RGS17: variants seen among roughly 807,000 people sequenced by gnomAD.
RGS17 encodes the protein regulator of G protein signaling 17, also known as regulator of G-protein signaling 17.
Under a neutral mutation model 25.5 loss-of-function variants are expected in RGS17, and 12 were observed. The ratio of observed to expected loss-of-function variants is 0.47; its 90% confidence interval spans 0.30 to 0.76. The LOEUF is 0.76. Among genes scored for constraint, RGS17 ranks in the 30% least tolerant of loss-of-function variants. The probability of loss-of-function intolerance (pLI) is 0.07; values close to 1 mark genes in which losing one functional copy is unlikely to be tolerated. For missense variants in RGS17, 196 were observed against 242.2 expected, an observed-to-expected ratio of 0.81 and a Z score of 1.27; for synonymous variants, 71 against 76.9, an observed-to-expected ratio of 0.92 and a Z score of 0.40.
intron 1 of RGS17, among the ~76,000 whole-genome samples, chr6:153,065,748 C>T (rs1409713842): frequency 6.6e-6 from 1 of 151,900 alleles, no homozygotes; most frequent in Non-Finnish European, 1.5e-5. Flanking sequence ...TATAATAACA[C>T]AAAACACCAA....
intron 2 of RGS17, among the ~76,000 whole-genome samples, chr6:153,032,224 T>A (rs1351903150): frequency 6.6e-6 from 1 of 152,192 alleles, no homozygotes; most frequent in African/African-American, 2.4e-5. Flanking sequence ...TTCACCTCTT[T>A]CATTTCTACA....
chr6:153,090,922 G>T (rs1777122350), intron 1 of RGS17, among the ~76,000 whole-genome samples: 2 of 151,916 alleles, frequency 1.3e-5, no homozygotes, highest in African/African-American at 4.8e-5. Flanking sequence ...GAGGATAAAG[G>T]GACTACTGTA....
Position 153,043,883 on chromosome 6 carries a change from C to T in RGS17, c.119+17G>A, listed in dbSNP as rs768274903. On this transcript the variant is annotated intron_variant, in intron 2 of 4. Coordinates refer to ENST00000206262, the MANE Select transcript of RGS17 (RefSeq NM_012419.5). ...TGCCAAGCCTGGGTGTGGCATCCTA[C>T]AGGTAACATGACATACCAGGAGCAG... 6.5e-7 allele frequency: 1 copy of T among 1,541,624 alleles called. No individual in the cohort carries two copies. The highest frequency in any genetic ancestry group is 1.8e-5 in the Admixed American group (1 of 56,792).
rs966176201 is a variant in RGS17 at position 153,009,798 on chromosome 6, G to A, written c.*1776C>T. On this transcript the variant is annotated 3_prime_UTR_variant, in exon 5 of 5. Transcript: ENST00000206262. ...TGCAATTTTTAAAAAATCCCATTTT[G>A]TCAAACACTGCAACAGTTAAAATAT... 1.3e-5 allele frequency: 2 copies of A among 151,818 alleles called. No individual in the cohort carries two copies. Among genetic ancestry groups the A allele is most frequent in the East Asian group, 3.8e-4 (2 of 5,198 alleles). 9.4% of individuals were successfully genotyped at this position (151,818 alleles called of 1,614,324 possible).
chr6:153,027,277 A>G (rs1244678555), intron 2 of RGS17, among the ~76,000 whole-genome samples: 3 of 152,112 alleles, frequency 2.0e-5, no homozygotes, highest in Non-Finnish European at 2.9e-5. Flanking sequence ...AGCCCAGAAC[A>G]AGAATAAGAA....
rs774225026 is a variant in RGS17 at position 153,118,876 on chromosome 6, CA to C, written c.-26+12247del. On this transcript the variant is annotated intron_variant, in intron 1 of 4. Coordinates refer to ENST00000206262, the MANE Select transcript of RGS17 (RefSeq NM_012419.5). ...TAATCTTTGGTGTAGGATTATTATACATATGAATAAAACTGGTAAAAAAAAT... is the reference window on the plus strand; with the variant it reads ...TAATCTTTGGTGTAGGATTATTATACTATGAATAAAACTGGTAAAAAAAAT... Among the ~76,000 whole-genome samples the C allele has an allele frequency of 3.2e-4, 48 of 152,258 alleles. 7 individuals are homozygous for C. Among genetic ancestry groups the C allele is most frequent in the Admixed American group, 2.1e-3 (32 of 15,296 alleles).
chr6:153,118,414 A>C (rs951483450), intron 1 of RGS17, among the ~76,000 whole-genome samples: 8 of 152,224 alleles, frequency 5.3e-5, no homozygotes, highest in Non-Finnish European at 1.5e-5. Flanking sequence ...CTAAGAATGT[A>C]TGGGATATAC....
At position 153,007,180 on chromosome 6, in the gene RGS17, A is replaced by C. The variant is rs1443705224; in HGVS notation, c.*4394T>G. ...AAATAAATCAAATCTGGGTATTCAG[A>C]AATAATACTTGTCATTGTGCACCAT... On this transcript the variant is annotated 3_prime_UTR_variant, in exon 5 of 5. Transcript: ENST00000206262. 1 of 152,216 alleles carries C rather than the reference A, an allele frequency of 6.6e-6. No individual in the cohort carries two copies. Among genetic ancestry groups the C allele is most frequent in the Non-Finnish European group, 1.5e-5 (1 of 68,034 alleles). The allele number at this position is 152,216 out of a possible 1,614,324, so 9.4% of individuals were successfully genotyped here. A position where few individuals can be genotyped will look rare whatever the true frequency, so the allele number is the denominator to read the frequency against.
chr6:153,070,046 T>G (rs1459556197), intron 1 of RGS17, among the ~76,000 whole-genome samples: 5 of 152,058 alleles, frequency 3.3e-5, no homozygotes, highest in African/African-American at 1.2e-4. Context: ...ACTCCTCACA[T>G]AGCAAAACAT....
At chr6:153,124,394 C>T (rs2129127429) in intron 1 of RGS17, among the ~76,000 whole-genome samples, 1 of 152,198 alleles carries the variant, frequency 6.6e-6, no homozygotes, top group African/African-American at 2.4e-5. Flanking sequence ...GGAGAACAAC[C>T]TAAACATTAA....
intron 1 of RGS17, among the ~76,000 whole-genome samples, chr6:153,073,114 T>A (rs566418785): frequency 6.6e-6 from 1 of 152,226 alleles, no homozygotes; most frequent in Admixed American, 6.5e-5. Flanking sequence ...TTGTAGGATG[T>A]AGGTGTCCCC....
chr6:153,102,330 T>A (rs185242774), intron 1 of RGS17, among the ~76,000 whole-genome samples: 3 of 152,372 alleles, frequency 2.0e-5, no homozygotes, highest in Admixed American at 2.0e-4. Flanking sequence ...TGTATGTAAG[T>A]GAACCTGTGT....
intron 1 of RGS17, among the ~76,000 whole-genome samples, chr6:153,065,807 G>A (rs6913406): frequency 0.38 from 58,092 of 151,592 alleles, 11,749 homozygotes; most frequent in East Asian, 0.62. Context: ...CTTTATAGAT[G>A]TAAGTGCCTA....
chr6:153,052,281 G>A (rs979643511), intron 1 of RGS17, among the ~76,000 whole-genome samples: 2 of 152,034 alleles, frequency 1.3e-5, no homozygotes, highest in Non-Finnish European at 2.9e-5. Context: ...AGTGGGCCTG[G>A]AGTGCACAGC....
At chr6:153,080,466 A>G (rs1776958092) in intron 1 of RGS17, among the ~76,000 whole-genome samples, 1 of 151,748 alleles carries the variant, frequency 6.6e-6, no homozygotes, top group African/African-American at 2.4e-5. Context: ...GAGGTTTATC[A>G]GTTTTATTAT....
chr6:153,014,343 C>T (rs1358465720), intron 4 of RGS17, among the ~76,000 whole-genome samples: 1 of 152,152 alleles, frequency 6.6e-6, no homozygotes, highest in African/African-American at 2.4e-5. Flanking sequence ...AAAAAGATTC[C>T]TTTTAAAGTT....
At chr6:153,012,866 T>C (rs1011053184) in intron 4 of RGS17, among the ~76,000 whole-genome samples, 1 of 152,230 alleles carries the variant, frequency 6.6e-6, no homozygotes, top group Non-Finnish European at 1.5e-5. Flanking sequence ...TGGGAACTAA[T>C]ACAGTCTCTT....
intron 2 of RGS17, among the ~76,000 whole-genome samples, chr6:153,038,646 G>A (rs914314596): frequency 5.3e-5 from 8 of 152,224 alleles, no homozygotes; most frequent in Non-Finnish European, 1.2e-4. Flanking sequence ...GATTCACCTT[G>A]CCTGTGTGAG....
chr6:153,016,898 C>T (rs1275870974), intron 4 of RGS17, among the ~76,000 whole-genome samples: 1 of 152,096 alleles, frequency 6.6e-6, no homozygotes, highest in East Asian at 1.9e-4. Context: ...GCCACAGTCA[C>T]CCTAGGATTC....
Sources: allele counts gnomAD v4.1 joint callset (sites outside exome capture counted in the v4.1 genomes callset), GRCh38; gene constraint gnomAD v4.1.1; transcripts MANE v1.5; gene names NCBI Gene and HGNC (gene_info 2026-07-23, HGNC 2026-07-21).